The following FUT9 variants were observed in gnomAD, a reference collection of about 807,000 sequenced individuals.
FUT9 encodes the protein fucosyltransferase 9, also known as 4-galactosyl-N-acetylglucosaminide 3-alpha-L-fucosyltransferase 9.
A neutral mutation model predicts 29.7 loss-of-function variants in FUT9; 15 were observed. The ratio of observed to expected loss-of-function variants is 0.51; its 90% CI spans 0.34 to 0.78. The LOEUF (loss-of-function observed/expected upper bound fraction) is 0.78, where lower values mean the gene tolerates loss of function less well. FUT9 is among the 30% of genes least tolerant of loss of function. The probability of loss-of-function intolerance (pLI) is 0.01; values close to 1 mark genes in which losing one functional copy is unlikely to be tolerated. For missense variants in FUT9, 319 were observed against 425.4 expected (o/e 0.75, Z 2.20); for synonymous variants, 169 against 153.7 (o/e 1.10, Z -0.74).
At chr6:96,035,718 C>A (rs1168814526) in intron 1 of FUT9, among the ~76,000 whole-genome samples, 1 of 129,730 alleles carries the variant, frequency 7.7e-6, no homozygotes, top group Non-Finnish European at 1.6e-5. Flanking sequence ...ATTTATTATA[C>A]TAATAAATAT....
intron 1 of FUT9, among the ~76,000 whole-genome samples, chr6:96,059,040 A>G (rs1359124922): frequency 3.9e-5 from 6 of 152,224 alleles, no homozygotes; most frequent in Non-Finnish European, 7.3e-5. Flanking sequence ...AACATAAAAT[A>G]TTAGTTTTTA....
At chr6:96,109,413 T>A (rs979334819) in intron 1 of FUT9, among the ~76,000 whole-genome samples, 2 of 152,208 alleles carry the variant, frequency 1.3e-5, no homozygotes, top group African/African-American at 4.8e-5. Flanking sequence ...CTAGTGTGTC[T>A]CCATATTCTT....
chr6:96,074,161 A>C (rs1354805846), intron 1 of FUT9, among the ~76,000 whole-genome samples: 1 of 152,170 alleles, frequency 6.6e-6, no homozygotes, highest in Non-Finnish European at 1.5e-5. Flanking sequence ...TTTGTACTGC[A>C]CCAAACAATA....
intron 1 of FUT9, among the ~76,000 whole-genome samples, chr6:96,053,554 A>G (rs1341264182): frequency 6.6e-6 from 1 of 152,036 alleles, no homozygotes; most frequent in Non-Finnish European, 1.5e-5. Context: ...TAAAAATACA[A>G]AAAAGTTAGC....
At chr6:96,098,191 CT>C (rs1323262811) in intron 1 of FUT9, among the ~76,000 whole-genome samples, 1 of 152,086 alleles carries the variant, frequency 6.6e-6, no homozygotes. Flanking sequence ...TTCTCTTTCC[CT>C]AAACACCTCC....
At chr6:96,067,886 C>T (rs9390813) in intron 1 of FUT9, among the ~76,000 whole-genome samples, 84,520 of 151,896 alleles carry the variant, frequency 0.56, 23,613 homozygotes, top group South Asian at 0.64. Flanking sequence ...CGTATGTTTA[C>T]TTCATAGGAT....
At chr6:96,078,019 G>T (rs1360905963) in intron 1 of FUT9, among the ~76,000 whole-genome samples, 1 of 152,174 alleles carries the variant, frequency 6.6e-6, no homozygotes, top group South Asian at 2.1e-4. Context: ...TTGCAGTCAT[G>T]ATCTTAGTTA....
At chr6:96,055,098 A>G (rs1281558301) in intron 1 of FUT9, among the ~76,000 whole-genome samples, 1 of 152,190 alleles carries the variant, frequency 6.6e-6, no homozygotes, top group Non-Finnish European at 1.5e-5. Flanking sequence ...TTCCAAATTC[A>G]TTAAATTCTG....
intron 1 of FUT9, among the ~76,000 whole-genome samples, chr6:96,111,337 A>G: frequency 6.6e-6 from 1 of 152,172 alleles, no homozygotes; most frequent in East Asian, 1.9e-4. Flanking sequence ...ACGTACTATC[A>G]TTATTTGACT....
chr6:96,097,910 CA>C (rs986981708), intron 1 of FUT9, among the ~76,000 whole-genome samples: 25 of 151,896 alleles, frequency 1.6e-4, no homozygotes, highest in African/African-American at 1.4e-4. Flanking sequence ...GGCAAAGATA[CA>C]AAAAAATATG....
At chr6:96,099,180 T>C (rs1469432542) in intron 1 of FUT9, among the ~76,000 whole-genome samples, 1 of 152,180 alleles carries the variant, frequency 6.6e-6, no homozygotes, top group Non-Finnish European at 1.5e-5. Context: ...GGACTTATTC[T>C]AGGAAGCAAA....
intron 2 of FUT9, among the ~76,000 whole-genome samples, chr6:96,117,591 T>C (rs1771935468): frequency 6.6e-6 from 1 of 152,188 alleles, no homozygotes; most frequent in Non-Finnish European, 1.5e-5. Context: ...GAAATTCAAA[T>C]AGAATTCTTT....
At chr6:96,090,666 G>A (rs1771396465) in intron 1 of FUT9, among the ~76,000 whole-genome samples, 1 of 151,724 alleles carries the variant, frequency 6.6e-6, no homozygotes, top group South Asian at 2.1e-4. Context: ...GAATGAAAAA[G>A]CGATGCAACT....
intron 1 of FUT9, among the ~76,000 whole-genome samples, chr6:96,089,277 G>A (rs142384074): frequency 2.6e-5 from 4 of 152,202 alleles, no homozygotes; most frequent in Admixed American, 1.3e-4. Flanking sequence ...GGAACTATCT[G>A]GATACTTTCC....
chr6:96,118,395 G>T (rs1481954744), intron 2 of FUT9, among the ~76,000 whole-genome samples: 1 of 151,920 alleles, frequency 6.6e-6, no homozygotes, highest in Non-Finnish European at 1.5e-5. Context: ...TACATCAGTG[G>T]TCCCATTAGA....
chr6:96,100,891 G>A (rs1035125579), intron 1 of FUT9, among the ~76,000 whole-genome samples: 2 of 152,116 alleles, frequency 1.3e-5, no homozygotes, highest in African/African-American at 4.8e-5. Context: ...TGTATTAAAA[G>A]GAAGGGAAAG....
chr6:96,097,453 G>C (rs1326518005), intron 1 of FUT9, among the ~76,000 whole-genome samples: 1 of 151,956 alleles, frequency 6.6e-6, no homozygotes, highest in Admixed American at 6.6e-5. Context: ...TACCTGAAAA[G>C]CACTGCAAAG....
chr6:96,140,344 T>C (rs1230802194), intron 2 of FUT9, among the ~76,000 whole-genome samples: 2 of 152,204 alleles, frequency 1.3e-5, no homozygotes, highest in Admixed American at 6.5e-5. Context: ...TCCAAGTCTA[T>C]AGGACGTTAC....
At chr6:96,106,439 G>A (rs1197626211) in intron 1 of FUT9, among the ~76,000 whole-genome samples, 3 of 151,890 alleles carry the variant, frequency 2.0e-5, no homozygotes, top group Admixed American at 6.6e-5. Context: ...TAATAAAGGG[G>A]TATGAAGTGT....
Sources: gnomAD v4.1 joint callset for allele counts (sites outside exome capture counted in the v4.1 genomes callset) on GRCh38, gnomAD v4.1.1 for gene constraint, MANE v1.5 for transcripts, NCBI Gene and HGNC (gene_info 2026-07-23, HGNC 2026-07-21) for gene names.